CTNNA3: variants seen among roughly 807,000 people sequenced by gnomAD.
The protein encoded by CTNNA3 is catenin alpha 3, also known as catenin alpha-3.
In CTNNA3, 76 loss-of-function variants were observed where a neutral mutation model predicts 95.7. That is an observed-to-expected ratio of 0.79 (90% CI 0.66 to 0.96). CTNNA3 has a LOEUF of 0.96. Among genes scored for constraint, CTNNA3 ranks in the 40% least tolerant of loss-of-function variants. The pLI is 0.00. For synonymous variants in CTNNA3, 431 were observed against 374.4 expected, an observed-to-expected ratio of 1.15 and a Z score of -1.74; for missense variants, 1,191 against 1,089.8, an observed-to-expected ratio of 1.09 and a Z score of -1.31.
intron 6 of CTNNA3, among the ~76,000 whole-genome samples, chr10:67,206,029 T>C (rs1863883992): frequency 6.6e-6 from 1 of 152,198 alleles, no homozygotes; most frequent in East Asian, 1.9e-4. Flanking sequence ...TCTCCCAGTT[T>C]CTGTGGGAAG....
At chr10:67,403,842 G>A (rs1845023867) in intron 5 of CTNNA3, among the ~76,000 whole-genome samples, 1 of 152,242 alleles carries the variant, frequency 6.6e-6, no homozygotes, top group South Asian at 2.1e-4. Context: ...CTCTGGGACA[G>A]AGCTCTGAGA....
At chr10:67,567,493 C>T (rs1008429142) in intron 3 of CTNNA3, among the ~76,000 whole-genome samples, 7 of 151,978 alleles carry the variant, frequency 4.6e-5, no homozygotes, top group African/African-American at 1.7e-4. Flanking sequence ...GTACAATGTA[C>T]GTTACTTGGG....
intron 13 of CTNNA3, among the ~76,000 whole-genome samples, chr10:66,110,292 G>T (rs2082072113): frequency 6.6e-6 from 1 of 151,658 alleles, no homozygotes; most frequent in African/African-American, 2.4e-5. Flanking sequence ...AACCTGGGAG[G>T]TGGAGGTTGC....
rs371605581 is a variant in CTNNA3 at position 66,164,991 on chromosome 10, T to C, written c.1885-61742A>G. Among the ~76,000 whole-genome samples, 4 of 152,294 alleles carry C rather than the reference T, an allele frequency of 2.6e-5. No homozygotes were observed. The South Asian group carries it at 6.2e-4, about 24-fold the overall frequency. ...AAAAGGGAAAATTTCTGTTCCTATC[T>C]GACACTTGGCATATTAGTCAAGATC... On this transcript the variant is annotated intron_variant, in intron 13 of 17. Transcript: ENST00000433211.
At chr10:66,730,051 A>C (rs747554252) in intron 9 of CTNNA3, among the ~76,000 whole-genome samples, 1 of 151,366 alleles carries the variant, frequency 6.6e-6, no homozygotes, top group Non-Finnish European at 1.5e-5. Context: ...GCTTGCAGTA[A>C]GCCGAGATTG....
At position 67,220,758 on chromosome 10, in the gene CTNNA3, A is replaced by G. The variant is rs1253057572; in HGVS notation, c.580-888T>C. Among the ~76,000 whole-genome samples, 10 of 152,120 alleles carry G rather than the reference A, an allele frequency of 6.6e-5. No individual in the cohort carries two copies. In the South Asian group the frequency reaches 2.1e-3, roughly 31 times the overall value. The stretch of plus-strand genomic sequence containing the variant: ...GTGATAGGCGATCAGAACTAGCTCA[A>G]TATACAAGAAAAAAATCTGGCAAGC... On this transcript the variant is annotated intron_variant, in intron 5 of 17. Transcript: ENST00000433211.
At chr10:66,306,550 C>G (rs77518718) in intron 12 of CTNNA3, among the ~76,000 whole-genome samples, 3,715 of 152,196 alleles carry the variant, frequency 0.024, 140 homozygotes, top group African/African-American at 0.085. Flanking sequence ...GTAAGCCATA[C>G]TGCCTGATAC....
intron 7 of CTNNA3, among the ~76,000 whole-genome samples, chr10:67,020,011 A>T (rs1253923014): frequency 7.4e-5 from 2 of 27,060 alleles, no homozygotes; most frequent in East Asian, 1.6e-3. Flanking sequence ...GTTAATACCA[A>T]TATCAACTGC....
chr10:66,621,152 C>G (rs1217371085), intron 10 of CTNNA3, among the ~76,000 whole-genome samples: 1 of 152,112 alleles, frequency 6.6e-6, no homozygotes, highest in African/African-American at 2.4e-5. Flanking sequence ...AAAAAAGAGT[C>G]AATTCTTTCA....
chr10:66,201,511 C>A (rs2087404236), intron 13 of CTNNA3, among the ~76,000 whole-genome samples: 2 of 152,172 alleles, frequency 1.3e-5, no homozygotes, highest in Admixed American at 1.3e-4. Flanking sequence ...TCTAATCCTT[C>A]TCCTCCAACA....
intron 14 of CTNNA3, among the ~76,000 whole-genome samples, chr10:66,082,602 T>C (rs1052102562): frequency 2.6e-5 from 4 of 152,148 alleles, no homozygotes; most frequent in Non-Finnish European, 5.9e-5. Context: ...CCAATGGTCA[T>C]TTCTTCATTT....
chr10:66,703,108 A>G (rs977798849), intron 9 of CTNNA3, among the ~76,000 whole-genome samples: 1 of 152,140 alleles, frequency 6.6e-6, no homozygotes, highest in Non-Finnish European at 1.5e-5. Context: ...GAGGTCAGAC[A>G]CCATCTTTTT....
At chr10:66,013,391 A>C (rs1209157712) in intron 15 of CTNNA3, among the ~76,000 whole-genome samples, 1 of 152,216 alleles carries the variant, frequency 6.6e-6, no homozygotes, top group Non-Finnish European at 1.5e-5. Flanking sequence ...TATCAAATAA[A>C]ATTATATGTA....
At chr10:67,357,979 C>A (rs1321106060) in intron 5 of CTNNA3, among the ~76,000 whole-genome samples, 3 of 151,846 alleles carry the variant, frequency 2.0e-5, no homozygotes, top group East Asian at 1.9e-4. Flanking sequence ...CAGAAATAAA[C>A]CTGGATATAT....
intron 7 of CTNNA3, among the ~76,000 whole-genome samples, chr10:66,920,974 A>G (rs59586726): frequency 0.025 from 3,771 of 152,276 alleles, 164 homozygotes; most frequent in African/African-American, 0.086. Flanking sequence ...TGGCCTCGTT[A>G]CTGTGTCCCC....
At chr10:66,061,921 A>G (rs150911076) in intron 15 of CTNNA3, among the ~76,000 whole-genome samples, 1,601 of 152,254 alleles carry the variant, frequency 0.011, 7 homozygotes, top group Middle Eastern at 0.034. Flanking sequence ...TGATGTGTCA[A>G]TTTGTTTCTT....
chr10:66,998,445 C>G (rs1851482672), intron 7 of CTNNA3, among the ~76,000 whole-genome samples: 1 of 152,052 alleles, frequency 6.6e-6, no homozygotes, highest in African/African-American at 2.4e-5. Context: ...TACAAAGGGA[C>G]TAAATTTGCA....
chr10:66,695,847 G>A (rs1215909360), intron 9 of CTNNA3, among the ~76,000 whole-genome samples: 1 of 141,346 alleles, frequency 7.1e-6, no homozygotes, highest in Admixed American at 7.3e-5. Flanking sequence ...AAATCCTGGG[G>A]TCTTTTTGTA....
chr10:67,064,813 G>A (rs571645835), intron 7 of CTNNA3, among the ~76,000 whole-genome samples: 1 of 151,150 alleles, frequency 6.6e-6, no homozygotes, highest in South Asian at 2.2e-4. Context: ...CATTAGATGT[G>A]GTAACTTCTT....
Sources: allele counts gnomAD v4.1 joint callset (sites outside exome capture counted in the v4.1 genomes callset), GRCh38; gene constraint gnomAD v4.1.1; transcripts MANE v1.5; gene names NCBI Gene and HGNC (gene_info 2026-07-23, HGNC 2026-07-21).